The following TTC9 variants were observed in gnomAD, a reference collection of about 807,000 sequenced individuals.
TTC9 encodes tetratricopeptide repeat protein 9A.
A neutral mutation model predicts 22.9 loss-of-function variants in TTC9; 13 were observed. That is an observed-to-expected ratio of 0.57 (90% CI 0.37 to 0.90). TTC9 has a LOEUF of 0.90. TTC9 is among the 40% of genes least tolerant of loss of function. TTC9 has a pLI of 0.01. For missense variants in TTC9, 280 were observed against 291.8 expected (o/e 0.96, Z 0.29); for synonymous variants, 148 against 133.2 (o/e 1.11, Z -0.77).
chr14:70,651,857 A>G (rs946448890), intron 1 of TTC9, among the ~76,000 whole-genome samples: 1 of 152,200 alleles, frequency 6.6e-6, no homozygotes, highest in Non-Finnish European at 1.5e-5. Context: ...CAGCCAGAGC[A>G]GCCGGAGCAC....
intron 2 of TTC9, among the ~76,000 whole-genome samples, chr14:70,669,602 C>G (rs965590035): frequency 6.8e-6 from 1 of 148,052 alleles, no homozygotes; most frequent in Admixed American, 6.7e-5. Context: ...TTTTTAAACT[C>G]AATCTTCCTT....
chr14:70,663,419 A>G (rs1028823323), intron 1 of TTC9, among the ~76,000 whole-genome samples: 5 of 152,332 alleles, frequency 3.3e-5, no homozygotes, highest in Admixed American at 2.0e-4. Flanking sequence ...AGAAGAGGCT[A>G]GGGGAGCTGC....
chr14:70,672,926 C>T lies in TTC9; in HGVS notation c.*1771C>T, dbSNP rs1160876058. On this transcript the variant is annotated 3_prime_UTR_variant, in exon 3 of 3. Transcript: ENST00000256367. Reference sequence around the variant, plus strand: ...GCCTCTCTGTAAGTATAATATTGGGCAATTATAACCATTTGAGAACAGGAC... The same window carrying T: ...GCCTCTCTGTAAGTATAATATTGGGTAATTATAACCATTTGAGAACAGGAC... 1 of 152,140 alleles carries T rather than the reference C, an allele frequency of 6.6e-6. No homozygotes were observed. Among genetic ancestry groups the T allele is most frequent in the African/African-American group, 2.4e-5 (1 of 41,412 alleles). 9.4% of individuals were successfully genotyped at this position (152,140 alleles called of 1,614,324 possible). A position where few individuals can be genotyped will look rare whatever the true frequency, so the allele number is the denominator to read the frequency against.
chr14:70,644,608 A>G (rs1287397846), intron 1 of TTC9, among the ~76,000 whole-genome samples: 3 of 152,150 alleles, frequency 2.0e-5, no homozygotes, highest in African/African-American at 7.2e-5. Flanking sequence ...ACTTGAGCCC[A>G]ATTTCAGGTG....
Position 70,667,547 on chromosome 14 carries a change from C to T in TTC9, c.407-17C>T. 1 of 1,613,552 alleles carries T rather than the reference C, an allele frequency of 6.2e-7. No homozygotes were observed. Among genetic ancestry groups the T allele is most frequent in the East Asian group, 2.2e-5 (1 of 44,880 alleles). On this transcript the variant is annotated splice_polypyrimidine_tract_variant and intron_variant, in intron 1 of 2. Coordinates refer to ENST00000256367, the MANE Select transcript of TTC9 (RefSeq NM_015351.2). Reference sequence around the variant, plus strand: ...CCACTGTTGTGCTGATGGCATTTTCCCTCCCTTCCTCCATAGCCTGCCTGC... The same window carrying T: ...CCACTGTTGTGCTGATGGCATTTTCTCTCCCTTCCTCCATAGCCTGCCTGC...
intron 1 of TTC9, among the ~76,000 whole-genome samples, chr14:70,661,436 T>A (rs1192597285): frequency 1.3e-5 from 2 of 152,268 alleles, no homozygotes; most frequent in Non-Finnish European, 2.9e-5. Context: ...TTCTCGCTGC[T>A]GGCCCCAGAT....
Position 70,672,951 on chromosome 14 carries a change from C to T in TTC9, c.*1796C>T, listed in dbSNP as rs1886317681. On this transcript the variant is annotated 3_prime_UTR_variant, in exon 3 of 3. Coordinates refer to ENST00000256367, the MANE Select transcript of TTC9 (RefSeq NM_015351.2). Reference sequence around the variant, plus strand: ...CAATTATAACCATTTGAGAACAGGACAATATGTATTAACCTGAAAAGTGTT... The same window carrying T: ...CAATTATAACCATTTGAGAACAGGATAATATGTATTAACCTGAAAAGTGTT... 6.6e-6 allele frequency: 1 copy of T among 152,150 alleles called. No individual in the cohort carries two copies. Among genetic ancestry groups the T allele is most frequent in the African/African-American group, 2.4e-5 (1 of 41,434 alleles). The allele number at this position is 152,150 out of a possible 1,614,324, so 9.4% of individuals were successfully genotyped here.
intron 1 of TTC9, among the ~76,000 whole-genome samples, chr14:70,662,413 C>CA (rs57369399): frequency 0.018 from 2,234 of 123,176 alleles, 31 homozygotes; most frequent in African/African-American, 0.035. Flanking sequence ...ATCTCTATGC[C>CA]AAAAAAAAAA....
At chr14:70,654,760 G>A (rs574179704) in intron 1 of TTC9, among the ~76,000 whole-genome samples, 2 of 152,262 alleles carry the variant, frequency 1.3e-5, no homozygotes, top group South Asian at 4.1e-4. Context: ...AGCCCGAATA[G>A]GCTCAGAGAG....
intron 1 of TTC9, among the ~76,000 whole-genome samples, chr14:70,664,454 A>G (rs1027912536): frequency 2.0e-5 from 3 of 152,042 alleles, no homozygotes; most frequent in Non-Finnish European, 4.4e-5. Flanking sequence ...GGCCGGGTGT[A>G]GTGGCTCACT....
chr14:70,654,553 G>A (rs1211645081), intron 1 of TTC9, among the ~76,000 whole-genome samples: 1 of 119,764 alleles, frequency 8.3e-6, no homozygotes, highest in Non-Finnish European at 1.6e-5. Context: ...TTGCACTACT[G>A]CACTCCAGCC....
chr14:70,652,387 T>C (rs1407879160), intron 1 of TTC9, among the ~76,000 whole-genome samples: 3 of 152,120 alleles, frequency 2.0e-5, no homozygotes, highest in African/African-American at 7.2e-5. Context: ...TGAGAGAAAA[T>C]GAGTAGGAAT....
intron 1 of TTC9, among the ~76,000 whole-genome samples, chr14:70,650,019 C>T (rs1296748793): frequency 1.3e-5 from 2 of 152,174 alleles, no homozygotes; most frequent in African/African-American, 4.8e-5. Flanking sequence ...GAATCCCCGC[C>T]CATGTCTCTC....
chr14:70,642,315 C>T lies in TTC9; in HGVS notation c.186C>T (p.Ser62=), dbSNP rs1197553663. The change falls in exon 1 of 3, where the codon AGC becomes AGT. Residue 62 remains serine (S), a synonymous_variant. Coordinates refer to ENST00000256367, the MANE Select transcript of TTC9 (RefSeq NM_015351.2). The part of the protein sequence containing the change: ...ELIRRAHEFK[S]QGAQCYKDKK... ...TCCGACGAGCGCACGAGTTCAAAAG[C>T]CAAGGGGCGCAGTGCTACAAGGACA... 4.5e-6 allele frequency: 7 copies of T among 1,571,796 alleles called. No individual in the cohort carries two copies. The highest frequency in any genetic ancestry group is 6.0e-6 in the Non-Finnish European group (7 of 1,160,636).
At chr14:70,648,798 G>A (rs555638275) in intron 1 of TTC9, among the ~76,000 whole-genome samples, 9 of 152,098 alleles carry the variant, frequency 5.9e-5, no homozygotes, top group African/African-American at 1.7e-4. Context: ...GCCCAGACAC[G>A]GAGCAGCAAC....
chr14:70,669,383 G>T (rs1886260343), intron 2 of TTC9, among the ~76,000 whole-genome samples: 2 of 151,970 alleles, frequency 1.3e-5, no homozygotes. Context: ...GGGCTCAAAT[G>T]ATCCTCCCAC....
chr14:70,663,520 T>G (rs1378521683), intron 1 of TTC9, among the ~76,000 whole-genome samples: 2 of 152,212 alleles, frequency 1.3e-5, no homozygotes, highest in African/African-American at 4.8e-5. Context: ...AAATACCCAA[T>G]CTTTAGATCC....
chr14:70,667,321 G>A (rs1886228919), intron 1 of TTC9, among the ~76,000 whole-genome samples: 2 of 152,188 alleles, frequency 1.3e-5, no homozygotes, highest in African/African-American at 4.8e-5. Flanking sequence ...TTTTGGTGGT[G>A]GAAGGGTGGG....
At chr14:70,670,670 A>C (rs1886281115) in intron 2 of TTC9, among the ~76,000 whole-genome samples, 3 of 151,852 alleles carry the variant, frequency 2.0e-5, no homozygotes, top group Admixed American at 6.6e-5. Flanking sequence ...CAAACAAAAA[A>C]AAATAGAGGT....
Sources: gnomAD v4.1 joint callset for allele counts (sites outside exome capture counted in the v4.1 genomes callset) on GRCh38, gnomAD v4.1.1 for gene constraint, MANE v1.5 for transcripts, NCBI Gene and HGNC (gene_info 2026-07-23, HGNC 2026-07-21) for gene names.